TSPAN14: variants seen among roughly 807,000 people sequenced by gnomAD.
The protein encoded by TSPAN14 is tetraspanin-14.
In TSPAN14, 16 loss-of-function variants were observed where a neutral mutation model predicts 36.6. The ratio of observed to expected loss-of-function variants is 0.44; its 90% CI spans 0.30 to 0.66. TSPAN14 has a LOEUF of 0.66. Among genes scored for constraint, TSPAN14 ranks in the 30% least tolerant of loss-of-function variants. The pLI, the probability that TSPAN14 is intolerant of heterozygous loss-of-function variation, is 0.12. For synonymous variants in TSPAN14, 139 were observed against 143.8 expected, an observed-to-expected ratio of 0.97 and a Z score of 0.24; for missense variants, 231 against 355.1, an observed-to-expected ratio of 0.65 and a Z score of 2.81.
At chr10:80,513,482 C>A (rs376845151) in intron 6 of TSPAN14, among the ~76,000 whole-genome samples, 2 of 152,148 alleles carry the variant, frequency 1.3e-5, no homozygotes, top group African/African-American at 2.4e-5. Flanking sequence ...GTCTCCACTG[C>A]GACTGTGAAA....
chr10:80,454,592 C>T (rs533244345), intron 1 of TSPAN14, among the ~76,000 whole-genome samples: 81 of 152,026 alleles, frequency 5.3e-4, no homozygotes, highest in Admixed American at 6.5e-4. Context: ...GCCGGGACCC[C>T]GCTGAGCCGA....
intron 2 of TSPAN14, among the ~76,000 whole-genome samples, chr10:80,493,679 A>G (rs1458873265): frequency 1.3e-5 from 2 of 152,270 alleles, no homozygotes; most frequent in East Asian, 1.9e-4. Flanking sequence ...TTCCACTTAT[A>G]TGAGGTGCCC....
intron 1 of TSPAN14, among the ~76,000 whole-genome samples, chr10:80,469,532 C>G (rs1042809688): frequency 6.6e-5 from 10 of 152,178 alleles, no homozygotes; most frequent in Admixed American, 3.9e-4. Context: ...CTCTCCTGCT[C>G]AGCTACCCAA....
intron 1 of TSPAN14, among the ~76,000 whole-genome samples, chr10:80,457,689 G>C (rs1041945689): frequency 6.6e-6 from 1 of 152,188 alleles, no homozygotes. Context: ...CCCGCTGATT[G>C]GTGATGGAGC....
At chr10:80,520,732 G>C in exon 9 of TSPAN14, 2 of 533,458 alleles carry the variant, frequency 3.7e-6, no homozygotes, top group South Asian at 1.4e-5. Context: ...TATCTGGGCT[G>C]TCTGTACCCC....
intron 1 of TSPAN14, among the ~76,000 whole-genome samples, chr10:80,463,549 A>G (rs1846088281): frequency 6.6e-6 from 1 of 152,192 alleles, no homozygotes; most frequent in Admixed American, 6.5e-5. Context: ...GGATTGTTCC[A>G]TTTTAGCACA....
At chr10:80,470,013 T>A (rs1846455062) in intron 1 of TSPAN14, among the ~76,000 whole-genome samples, 1 of 152,244 alleles carries the variant, frequency 6.6e-6, no homozygotes, top group Non-Finnish European at 1.5e-5. Flanking sequence ...ATACTTTAAA[T>A]CATCTCTAGA....
rs756297783 is a variant in TSPAN14 at position 80,512,398 on chromosome 10, ACCCTCCTCAAGG to A, written c.576+131_576+142del. On this transcript the variant is annotated intron_variant, in intron 6 of 8. Transcript: ENST00000429989. ...TGAGGAGCAGGTGTGCTTTCTCCACACCCTCCTCAAGGCTGCCTCAGCTCTGAAATCCGATAT... is the reference window on the plus strand; with the variant it reads ...TGAGGAGCAGGTGTGCTTTCTCCACACTGCCTCAGCTCTGAAATCCGATAT... 196 of 1,342,902 alleles carry A rather than the reference ACCCTCCTCAAGG, an allele frequency of 1.5e-4. 1 individual carries two copies. In the South Asian group the frequency reaches 2.1e-3, roughly 15 times the overall value. 83.2% of individuals were successfully genotyped at this position (1,342,902 alleles called of 1,614,324 possible).
chr10:80,493,828 T>A (rs1218472194), intron 2 of TSPAN14, among the ~76,000 whole-genome samples: 2 of 152,200 alleles, frequency 1.3e-5, no homozygotes, highest in Non-Finnish European at 2.9e-5. Flanking sequence ...GGGAGAGGCG[T>A]ACACTGGAGG....
intron 2 of TSPAN14, among the ~76,000 whole-genome samples, chr10:80,492,981 T>C (rs1039975594): frequency 2.0e-5 from 3 of 152,194 alleles, no homozygotes; most frequent in African/African-American, 7.2e-5. Flanking sequence ...GATGTTTGCA[T>C]GTCTGTTCTG....
intron 2 of TSPAN14, among the ~76,000 whole-genome samples, chr10:80,503,350 G>A (rs1848632134): frequency 6.6e-6 from 1 of 152,182 alleles, no homozygotes; most frequent in African/African-American, 2.4e-5. Context: ...CAGTACTTGA[G>A]ACGGTATCTG....
chr10:80,461,922 T>G (rs1033918751), intron 1 of TSPAN14, among the ~76,000 whole-genome samples: 3 of 151,738 alleles, frequency 2.0e-5, no homozygotes, highest in African/African-American at 7.3e-5. Context: ...TGCCTTTTTT[T>G]TTTTTCCTTC....
chr10:80,509,971 A>G lies in TSPAN14; in HGVS notation c.450+500A>G, dbSNP rs187093690. The G allele has an allele frequency of 1.0e-3, 167 of 160,692 alleles. No homozygotes were observed. Among genetic ancestry groups the G allele is most frequent in the African/African-American group, 3.5e-3 (144 of 41,690 alleles). The allele number at this position is 160,692 out of a possible 1,614,324, so 10.0% of individuals were successfully genotyped here. A position where few individuals can be genotyped will look rare whatever the true frequency, so the allele number is the denominator to read the frequency against. On this transcript the variant is annotated intron_variant, in intron 5 of 8. Transcript: ENST00000429989. The surrounding 1 kb of genome is among the most constrained non-coding windows in gnomAD (Gnocchi z 4.7). The stretch of plus-strand genomic sequence containing the variant: ...GCCTGGAGGAAGCTTTGTCAGATCT[A>G]GTGGAATGTGACCTCCCTGGAATAT...
At chr10:80,470,774 C>A (rs777005698) in intron 1 of TSPAN14, among the ~76,000 whole-genome samples, 1 of 152,196 alleles carries the variant, frequency 6.6e-6, no homozygotes, top group Admixed American at 6.5e-5. Context: ...GGAGTGGCTC[C>A]CACCCCAATG....
chr10:80,521,303 G>T (rs1343000231), exon 9 of TSPAN14: 1 of 161,268 alleles, frequency 6.2e-6, no homozygotes, highest in Non-Finnish European at 1.4e-5. Context: ...AGCACCTGAG[G>T]CATCCTGCTG....
intron 6 of TSPAN14, among the ~76,000 whole-genome samples, chr10:80,512,958 C>T (rs1257595156): frequency 6.6e-6 from 1 of 152,018 alleles, no homozygotes; most frequent in Admixed American, 6.6e-5. Flanking sequence ...TGCAGTGGTG[C>T]GATCTCAGCT....
intron 1 of TSPAN14, among the ~76,000 whole-genome samples, chr10:80,469,169 G>A (rs1846403546): frequency 1.3e-5 from 2 of 152,078 alleles, no homozygotes; most frequent in African/African-American, 4.8e-5. Flanking sequence ...GTAGGGATGG[G>A]GGGGTAACTG....
At chr10:80,519,698 G>T (rs934187160) in exon 9 of TSPAN14, 1 of 152,288 alleles carries the variant, frequency 6.6e-6, no homozygotes, top group African/African-American at 2.4e-5. Context: ...TGGTAAACGC[G>T]GCTGCCAGAG....
In TSPAN14 at chr10:80,502,699, A is replaced by T. The variant is rs778104898; in HGVS notation, c.82-2029A>T. ...CCAAGGCTGCGTAGTGGGGCACAGT[A>T]AGAGTAAAATATCGTTAGCTGTCTT... On this transcript the variant is annotated intron_variant, in intron 2 of 8. Transcript: ENST00000429989. 2.6e-5 allele frequency among the ~76,000 whole-genome samples: 4 copies of T among 152,146 alleles called. No homozygotes were observed. The South Asian group carries it at 8.3e-4, about 32-fold the overall frequency.
Sources: gnomAD v4.1 joint callset for allele counts (sites outside exome capture counted in the v4.1 genomes callset) on GRCh38, gnomAD v4.1.1 for gene constraint, Gnocchi (gnomAD v3.1) non-coding constraint, MANE v1.5 for transcripts, NCBI Gene and HGNC (gene_info 2026-07-23, HGNC 2026-07-21) for gene names.